The following ACADVL variants were observed in gnomAD, a reference collection of about 807,000 sequenced individuals.
ACADVL encodes the protein very long-chain acyl-CoA dehydrogenase, mitochondrial.
A neutral mutation model predicts 80.4 loss-of-function variants in ACADVL; 73 were observed. That is an observed-to-expected ratio of 0.91 (90% CI 0.75 to 1.10). The LOEUF is 1.10. Among genes scored for constraint, ACADVL ranks in the 50% least tolerant of loss-of-function variants. ACADVL has a pLI of 0.00. For missense variants in ACADVL, 878 were observed against 858.9 expected (o/e 1.02, Z -0.28); for synonymous variants, 392 against 326.5 (o/e 1.20, Z -2.16).
upstream of ACADVL, among the ~76,000 whole-genome samples, chr17:7,218,006 A>C (rs942863927): frequency 6.6e-6 from 1 of 151,842 alleles, no homozygotes; most frequent in African/African-American, 2.4e-5. Context: ...TAAAAAGTTA[A>C]GCCCTAGACT....
At chr17:7,222,992 T>C in intron 10 of ACADVL, 127 bp downstream of exon 10, 2 of 1,454,244 alleles carry the variant, frequency 1.4e-6, no homozygotes, top group Non-Finnish European at 9.5e-7. Flanking sequence ...CAGCCCGACT[T>C]GCTAGCTTAG....
upstream of ACADVL, chr17:7,219,750 G>A (rs1412170487): frequency 3.4e-6 from 5 of 1,455,720 alleles, no homozygotes; most frequent in African/African-American, 7.1e-5. Flanking sequence ...GGTCGGACGG[G>A]CGGGATTAAG....
At position 7,224,087 on chromosome 17, in the gene ACADVL, G is replaced by A; in HGVS notation, c.1434+18G>A. ...GCTGTATGGTAAGACAGAGAATTGG[G>A]TGGGGGTAGAGGTGGGGAGGACAGT... On this transcript the variant is annotated intron_variant, in intron 14 of 19. Coordinates refer to ENST00000356839, the MANE Select transcript of ACADVL (RefSeq NM_000018.4). 1 of 1,614,050 alleles carries A rather than the reference G, an allele frequency of 6.2e-7. No individual in the cohort carries two copies. The highest frequency in any genetic ancestry group is 1.1e-5 in the South Asian group (1 of 91,076).
At chr17:7,221,397 C>T in intron 6 of ACADVL, 141 bp from the exon 7 acceptor site, 2 of 1,422,668 alleles carry the variant, frequency 1.4e-6, no homozygotes, top group South Asian at 1.2e-5. Flanking sequence ...CTTTTCTACA[C>T]ACTGGGGATG....
At chr17:7,222,406 G>T in intron 9 of ACADVL, 104 bp downstream of exon 9, 1 of 1,508,744 alleles carries the variant, frequency 6.6e-7, no homozygotes, top group Non-Finnish European at 9.0e-7. Flanking sequence ...AAAAGCCAAA[G>T]CAGGTGGACT....
chr17:7,221,112 T>C, intron 6 of ACADVL, 54 bp downstream of exon 6: 1 of 1,610,934 alleles, frequency 6.2e-7, no homozygotes, highest in South Asian at 1.1e-5. Flanking sequence ...CTTGGCAGAC[T>C]CAGCTCTTTT....
intron 11 of ACADVL, 138 bp downstream of exon 11, chr17:7,223,375 G>A (rs1456386590): frequency 3.3e-6 from 3 of 902,572 alleles, no homozygotes; most frequent in East Asian, 2.4e-5. Context: ...GGGAGGCATA[G>A]TCAGCTCAGC....
In ACADVL at chr17:7,220,750, C is replaced by T. The variant is rs1428008149; in HGVS notation, c.278-16C>T. On this transcript the variant is annotated splice_polypyrimidine_tract_variant and intron_variant, in intron 4 of 19. Transcript: ENST00000356839. Reference sequence around the variant, plus strand: ...TGCCAGCCTGGCCTGACCAGCCTGTCCCCCACCCTCTGCAGTGCTCAACGA... The same window carrying T: ...TGCCAGCCTGGCCTGACCAGCCTGTTCCCCACCCTCTGCAGTGCTCAACGA... The T allele has an allele frequency of 6.2e-7, 1 of 1,614,146 alleles. No homozygotes were observed. Among genetic ancestry groups the T allele is most frequent in the Non-Finnish European group, 8.5e-7 (1 of 1,180,020 alleles).
chr17:7,220,208 G>A lies in ACADVL; in HGVS notation c.138+11G>A. On this transcript the variant is annotated intron_variant, in intron 2 of 19. Transcript: ENST00000356839. ...GGGGGTGCCGCTCAGGTAAGTCACCGCAGCCTTGGCAAGGGGGTGTGGGAG... is the reference window on the plus strand; with the variant it reads ...GGGGGTGCCGCTCAGGTAAGTCACCACAGCCTTGGCAAGGGGGTGTGGGAG... 6.5e-7 allele frequency: 1 copy of A among 1,530,258 alleles called. No individual in the cohort carries two copies. The allele number at this position is 1,530,258 out of a possible 1,614,324, so 94.8% of individuals were successfully genotyped here.
rs112876820 is a variant in ACADVL, at chr17:7,223,391, C to T, written c.1182+154C>T. 28 of 845,544 alleles carry T rather than the reference C, an allele frequency of 3.3e-5. 1 individual carries two copies. The highest frequency in any genetic ancestry group is 1.3e-4 in the African/African-American group (8 of 60,090). 52.4% of individuals were successfully genotyped at this position (845,544 alleles called of 1,614,324 possible). A position where few individuals can be genotyped will look rare whatever the true frequency, so the allele number is the denominator to read the frequency against. On this transcript the variant is annotated intron_variant, in intron 11 of 19. Transcript: ENST00000356839. The stretch of plus-strand genomic sequence containing the variant: ...GGAGGCATAGTCAGCTCAGCTTCTG[C>T]GAAGAGAGACAGCAATGATGTTCTG...
chr17:7,220,735 G>C (rs753149462), intron 4 of ACADVL, 31 bp from the exon 5 acceptor site: 2 of 1,614,176 alleles, frequency 1.2e-6, no homozygotes, highest in Non-Finnish European at 1.7e-6. Flanking sequence ...TGCCAGCCTG[G>C]CCTGACCAGC....
intron 8 of ACADVL, 44 bp from the exon 9 acceptor site, chr17:7,222,133 C>A (rs1390491531): frequency 6.2e-7 from 1 of 1,614,104 alleles, no homozygotes; most frequent in East Asian, 2.2e-5. Context: ...CCAGGCCCCA[C>A]TGCTCCCCGT....
At chr17:7,223,312 C>A in intron 11 of ACADVL, 75 bp downstream of exon 11, 1 of 1,349,612 alleles carries the variant, frequency 7.4e-7, no homozygotes, top group Non-Finnish European at 1.1e-6. Flanking sequence ...CAACCCCCAG[C>A]AGCACCTGGG....
chr17:7,221,413 G>C (rs2071211788), intron 6 of ACADVL, 125 bp from the exon 7 acceptor site: 1 of 1,447,234 alleles, frequency 6.9e-7, no homozygotes, highest in East Asian at 2.3e-5. Context: ...GGATGGCCCA[G>C]GTCAGGCACT....
intron 10 of ACADVL, 61 bp from the exon 11 acceptor site, chr17:7,223,070 CCT>C: frequency 2.0e-6 from 3 of 1,536,736 alleles, no homozygotes; most frequent in East Asian, 2.2e-5. Flanking sequence ...AAGCCCAGCC[CCT>C]CTCCTAGGGA....
Position 7,222,696 on chromosome 17 carries a change from A to G in ACADVL, c.908A>G (p.Lys303Arg), listed in dbSNP as rs1268341462. 1.2e-6 allele frequency: 2 copies of G among 1,613,958 alleles called. No homozygotes were observed. The highest frequency in any genetic ancestry group is 2.7e-5 in the African/African-American group (2 of 74,904). Residue 303 changes from lysine (K) to arginine (R), a missense_variant, in exon 10 of 20, where the codon AAG becomes AGG. Coordinates refer to ENST00000356839, the MANE Select transcript of ACADVL (RefSeq NM_000018.4). ...CCCCCTGAGAAGAAGATGGGCATCAAGGCTTCAAACACAGCAGAGGTGTTC... is the reference window on the plus strand; with the variant it reads ...CCCCCTGAGAAGAAGATGGGCATCAGGGCTTCAAACACAGCAGAGGTGTTC... ...HGPPEKKMGI[K>R]ASNTAEVFFD...
Position 7,223,200 on chromosome 17 carries a change from A to T in ACADVL, c.1145A>T (p.Lys382Met). Reference protein sequence around the residue: ...KIHNFGLIQEKLARMVMLQYV... With the variant: ...KIHNFGLIQEMLARMVMLQYV... The stretch of plus-strand genomic sequence containing the variant: ...CACAACTTTGGGCTGATCCAGGAGA[A>T]GCTGGCACGGATGGTTATGCTGCAG... Residue 382 changes from lysine to methionine, a missense_variant, in exon 11 of 20, where the codon AAG becomes ATG. Coordinates refer to ENST00000356839, the MANE Select transcript of ACADVL (RefSeq NM_000018.4). The T allele has an allele frequency of 6.2e-7, 1 of 1,614,112 alleles. No homozygotes were observed. Among genetic ancestry groups the T allele is most frequent in the Non-Finnish European group, 8.5e-7 (1 of 1,179,976 alleles).
chr17:7,218,214 G>T, upstream of ACADVL: 17 of 1,599,318 alleles, frequency 1.1e-5, no homozygotes, highest in Non-Finnish European at 1.5e-5. Context: ...CCCTCAGGAA[G>T]TTAGGCGCTC....
rs2071310800 is a variant in ACADVL, at chr17:7,223,118, T to G, written c.1078-15T>G. On this transcript the variant is annotated splice_polypyrimidine_tract_variant and intron_variant, in intron 10 of 19. Coordinates refer to ENST00000356839, the MANE Select transcript of ACADVL (RefSeq NM_000018.4). ...CCACACTGAACCACAGCGGGATGTG[T>G]GGACCCTCTTCCAGGTAGATCATGC... 2 of 1,603,444 alleles carry G rather than the reference T, an allele frequency of 1.2e-6. No homozygotes were observed. Among genetic ancestry groups the G allele is most frequent in the Non-Finnish European group, 1.7e-6 (2 of 1,170,556 alleles).
Sources: gnomAD v4.1 joint callset for allele counts (sites outside exome capture counted in the v4.1 genomes callset) on GRCh38, gnomAD v4.1.1 for gene constraint, MANE v1.5 for transcripts, NCBI Gene and HGNC (gene_info 2026-07-23, HGNC 2026-07-21) for gene names.